EXT1: variants seen among roughly 807,000 people sequenced by gnomAD.
EXT1 encodes the protein exostosin glycosyltransferase 1.
In EXT1, 20 loss-of-function variants were observed where a neutral mutation model predicts 82.5. The observed-to-expected ratio is 0.24, with a 90% CI of 0.17 to 0.35. EXT1 has a LOEUF of 0.35. Ranked by LOEUF, EXT1 falls within the 10% of genes least tolerant of loss-of-function variation. The pLI, the probability that EXT1 is intolerant of heterozygous loss-of-function variation, is 1.00. For missense variants in EXT1, 757 were observed against 936.5 expected (o/e 0.81, Z 2.50); for synonymous variants, 348 against 350.8 (o/e 0.99, Z 0.09).
At chr8:118,040,289 T>C (rs2129900759) in intron 1 of EXT1, among the ~76,000 whole-genome samples, 1 of 152,344 alleles carries the variant, frequency 6.6e-6, no homozygotes, top group South Asian at 2.1e-4. Flanking sequence ...CCCAAGTGTA[T>C]TTAAAGTGAT....
At position 117,973,172 on chromosome 8, in the gene EXT1, C is replaced by T. The variant is rs536728410; in HGVS notation, c.963-135971G>A. On this transcript the variant is annotated intron_variant, in intron 1 of 10. Transcript: ENST00000378204. ...GTGGAAGTGAAATCTCTCTGGATAC[C>T]CCTCCTTGATTCAATGTGGGCATCC... Among the ~76,000 whole-genome samples, 10 of 152,120 alleles carry T rather than the reference C, an allele frequency of 6.6e-5. No individual in the cohort carries two copies. In the South Asian group the frequency reaches 2.1e-3, roughly 32 times the overall value.
intron 1 of EXT1, among the ~76,000 whole-genome samples, chr8:117,913,408 GT>G (rs1722952994): frequency 6.6e-6 from 1 of 152,140 alleles, no homozygotes; most frequent in Non-Finnish European, 1.5e-5. Context: ...ATCTCCTTCT[GT>G]TTTTCAGACA....
At chr8:117,953,335 A>C (rs1293733105) in intron 1 of EXT1, among the ~76,000 whole-genome samples, 5 of 152,156 alleles carry the variant, frequency 3.3e-5, no homozygotes, top group African/African-American at 9.7e-5. Context: ...TTTACATTGA[A>C]TAGGGATACA....
chr8:117,931,814 T>C (rs761375592), intron 1 of EXT1, among the ~76,000 whole-genome samples: 2 of 152,206 alleles, frequency 1.3e-5, no homozygotes, highest in East Asian at 3.8e-4. Flanking sequence ...AAGGTTTCTA[T>C]TGCAGCTAAG....
chr8:117,911,771 G>A (rs1401646207), intron 1 of EXT1, among the ~76,000 whole-genome samples: 1 of 152,218 alleles, frequency 6.6e-6, no homozygotes, highest in Non-Finnish European at 1.5e-5. Flanking sequence ...GAGCTGGCCT[G>A]CTGCAAATAT....
At chr8:118,064,352 C>T (rs1040367239) in intron 1 of EXT1, among the ~76,000 whole-genome samples, 4 of 150,692 alleles carry the variant, frequency 2.7e-5, no homozygotes, top group Non-Finnish European at 4.4e-5. Context: ...TGACAGGCCC[C>T]GGTGTATGAT....
At chr8:117,857,797 T>C (rs1812592396) in intron 1 of EXT1, among the ~76,000 whole-genome samples, 1 of 152,226 alleles carries the variant, frequency 6.6e-6, no homozygotes, top group Non-Finnish European at 1.5e-5. Context: ...ATTCCTCTGA[T>C]GGATCTGGGC....
intron 1 of EXT1, among the ~76,000 whole-genome samples, chr8:117,886,810 T>C (rs1563591282): frequency 1.3e-5 from 2 of 152,156 alleles, no homozygotes. Flanking sequence ...GGTGCTTAAA[T>C]GGGCAAAATT....
chr8:117,872,242 G>T (rs1812886898), intron 1 of EXT1, among the ~76,000 whole-genome samples: 1 of 152,106 alleles, frequency 6.6e-6, no homozygotes, highest in Non-Finnish European at 1.5e-5. Flanking sequence ...GTGGATGAAG[G>T]GAAGTTTAAG....
chr8:118,102,343 G>GA (rs113578490), intron 1 of EXT1, among the ~76,000 whole-genome samples: 1,577 of 127,576 alleles, frequency 0.012, 23 homozygotes, highest in African/African-American at 0.035. Context: ...CCATGGGTTA[G>GA]AAAAAAAAAA....
chr8:117,810,395 C>T (rs1245537391), intron 8 of EXT1, among the ~76,000 whole-genome samples: 1 of 152,206 alleles, frequency 6.6e-6, no homozygotes, highest in African/African-American at 2.4e-5. Context: ...GCAAACCAGA[C>T]TGCCAGCCTC....
intron 1 of EXT1, among the ~76,000 whole-genome samples, chr8:118,003,939 C>G (rs1433783429): frequency 6.6e-6 from 1 of 152,164 alleles, no homozygotes; most frequent in Non-Finnish European, 1.5e-5. Flanking sequence ...TTACCACATT[C>G]TAATATGTTT....
chr8:117,827,929 T>C (rs758487435), intron 4 of EXT1, among the ~76,000 whole-genome samples: 1 of 151,118 alleles, frequency 6.6e-6, no homozygotes, highest in East Asian at 1.9e-4. Context: ...ACTGCAATGA[T>C]GTACATAAAG....
intron 1 of EXT1, among the ~76,000 whole-genome samples, chr8:117,914,966 T>C (rs1268813779): frequency 6.6e-6 from 1 of 152,180 alleles, no homozygotes; most frequent in Non-Finnish European, 1.5e-5. Flanking sequence ...CTTTGAAGCA[T>C]GTGATCTTTG....
rs770545182 is a variant in EXT1, at chr8:118,111,040, C to T, written c.7G>A (p.Ala3Thr). The change falls in exon 1 of 11, where the codon GCC (alanine) becomes ACC (threonine). Residue 3 changes from alanine (A) to threonine (T), a missense_variant. This residue lies in a region of EXT1 where 175 missense variants were observed against 159.0 expected (regional missense o/e 1.10). Coordinates refer to ENST00000378204, the MANE Select transcript of EXT1 (RefSeq NM_000127.3). MQ[A>T]KKRYFILLSA... ...AGCAGGATGAAATAGCGTTTTTTGG[C>T]CTGCATGTGTCCTGCCTGGGTCAAG... 1 of 1,594,844 alleles carries T rather than the reference C, an allele frequency of 6.3e-7. No individual in the cohort carries two copies. The highest frequency in any genetic ancestry group is 8.5e-7 in the Non-Finnish European group (1 of 1,176,904).
At position 117,795,823 on chromosome 8, in the gene EXT1, G is replaced by A. The variant is rs1391497074; in HGVS notation, c.*3889C>T. On this transcript the variant is annotated 3_prime_UTR_variant, in exon 11 of 11. Transcript: ENST00000378204. Reference sequence around the variant, plus strand: ...CTCAAAGAAAAAAAAAAGACTTGGTGTCAAAGGATAAACTAATCTCTTTAT... The same window carrying A: ...CTCAAAGAAAAAAAAAAGACTTGGTATCAAAGGATAAACTAATCTCTTTAT... 3 of 152,034 alleles carry A rather than the reference G, an allele frequency of 2.0e-5. No homozygotes were observed. The highest frequency in any genetic ancestry group is 6.5e-5 in the Admixed American group (1 of 15,270). The allele number at this position is 152,034 out of a possible 1,614,324, so 9.4% of individuals were successfully genotyped here.
chr8:118,076,997 T>G (rs1817225487), intron 1 of EXT1, among the ~76,000 whole-genome samples: 1 of 152,172 alleles, frequency 6.6e-6, no homozygotes, highest in Non-Finnish European at 1.5e-5. Context: ...CCAGACAGAA[T>G]TTTCAATTAA....
chr8:117,847,526 A>C (rs546318576), intron 1 of EXT1, among the ~76,000 whole-genome samples: 1 of 152,330 alleles, frequency 6.6e-6, no homozygotes, highest in Admixed American at 6.5e-5. Flanking sequence ...ATGCATGCAC[A>C]GTGCGGTTCA....
Position 117,968,549 on chromosome 8 carries a change from ATTTATTTTTTTTTTTTTTTTTTTTTTTT to A in EXT1, c.963-131376_963-131349del, listed in dbSNP as rs1172595984. On this transcript the variant is annotated intron_variant, in intron 1 of 10. Coordinates refer to ENST00000378204, the MANE Select transcript of EXT1 (RefSeq NM_000127.3). ...GCCTTATTTATTTATTTATTTATTT[ATTTATTTTTTTTTTTTTTTTTTTTTTTT>A]TTTTTTTTTTGAGACGGAGTCTCAC... 1.1e-3 allele frequency among the ~76,000 whole-genome samples: 12 copies of A among 11,340 alleles called. 2 individuals carry two copies. Among genetic ancestry groups the A allele is most frequent in the South Asian group, 7.6e-3 (2 of 262 alleles). 7.4% of individuals were successfully genotyped at this position (11,340 alleles called of 152,430 possible).
Sources: gnomAD v4.1 joint callset for allele counts (sites outside exome capture counted in the v4.1 genomes callset) on GRCh38, gnomAD v4.1.1 for gene constraint, gnomAD v4.1.1 regional missense constraint, MANE v1.5 for transcripts, NCBI Gene and HGNC (gene_info 2026-07-23, HGNC 2026-07-21) for gene names.